The following TOX2 variants were observed in gnomAD, a reference collection of about 807,000 sequenced individuals.
TOX2 encodes TOX high mobility group box family member 2.
TOX2 carries 15 observed loss-of-function variants against 47.4 expected under a neutral mutation model. That is an observed-to-expected ratio of 0.32 (90% CI 0.21 to 0.49). The LOEUF is 0.49. Among genes scored for constraint, TOX2 ranks in the 20% least tolerant of loss-of-function variants. The probability of loss-of-function intolerance (pLI) is 0.99; values close to 1 mark genes in which losing one functional copy is unlikely to be tolerated. For synonymous variants in TOX2, 290 were observed against 296.6 expected (o/e 0.98, Z 0.23); for missense variants, 622 against 673.1 (o/e 0.92, Z 0.84).
At chr20:43,925,272 G>C (rs888836699) in intron 1 of TOX2, among the ~76,000 whole-genome samples, 1 of 152,126 alleles carries the variant, frequency 6.6e-6, no homozygotes, top group African/African-American at 2.4e-5. Context: ...ATCTAGATCT[G>C]TTCTGTGGTT....
In TOX2 at chr20:43,998,720, C is replaced by CATCTATCT. The variant is rs34142021; in HGVS notation, c.166-7784_166-7777dup. 5.8e-3 allele frequency among the ~76,000 whole-genome samples: 352 copies of CATCTATCT among 60,956 alleles called. 3 individuals carry two copies. The highest frequency in any genetic ancestry group is 0.014 in the South Asian group (25 of 1,788). 40.0% of individuals were successfully genotyped at this position (60,956 alleles called of 152,430 possible). On this transcript the variant is annotated intron_variant, in intron 2 of 8. Coordinates refer to ENST00000341197, the MANE Select transcript of TOX2 (RefSeq NM_001098797.2). ...CACTCTGCTTTTTGTTGGCCTGATA[C>CATCTATCT]ATCTATCTATCTATCTATCTATCTA...
chr20:43,973,124 G>C (rs2070006389), intron 1 of TOX2, among the ~76,000 whole-genome samples: 1 of 152,244 alleles, frequency 6.6e-6, no homozygotes. Context: ...TTTCCTATTT[G>C]CATTGTAAGT....
intron 7 of TOX2, among the ~76,000 whole-genome samples, chr20:44,066,325 ACT>A (rs2071821389): frequency 6.6e-6 from 1 of 150,394 alleles, no homozygotes; most frequent in Admixed American, 6.6e-5. Context: ...TGCCAGACTG[ACT>A]CTTAGGATAC....
At chr20:43,952,136 C>T (rs894124982) in intron 1 of TOX2, among the ~76,000 whole-genome samples, 18 of 152,160 alleles carry the variant, frequency 1.2e-4, no homozygotes, top group African/African-American at 2.9e-4. Flanking sequence ...CTCCTGACCT[C>T]GTGATCTGCC....
intron 4 of TOX2, among the ~76,000 whole-genome samples, chr20:44,052,429 C>T (rs1399819843): frequency 6.6e-6 from 1 of 152,178 alleles, no homozygotes; most frequent in African/African-American, 2.4e-5. Context: ...TATCTCCCTC[C>T]GTGCCTCCTG....
At chr20:44,013,560 T>C (rs1303220579) in intron 3 of TOX2, among the ~76,000 whole-genome samples, 1 of 152,238 alleles carries the variant, frequency 6.6e-6, no homozygotes, top group East Asian at 1.9e-4. Context: ...GGTTTGGTCT[T>C]GTCTTATGAA....
chr20:44,012,056 G>A (rs575090342), intron 3 of TOX2, among the ~76,000 whole-genome samples: 36 of 152,182 alleles, frequency 2.4e-4, no homozygotes, highest in Non-Finnish European at 4.3e-4. Flanking sequence ...TATTTTGCCG[G>A]TTTAATTTAA....
rs1555835309 is a variant in TOX2 at position 43,976,782 on chromosome 20, G to GCGCACA, written c.165+3351_165+3352insGCACAC. On this transcript the variant is annotated intron_variant, in intron 2 of 8. Coordinates refer to ENST00000341197, the MANE Select transcript of TOX2 (RefSeq NM_001098797.2). ...TTGAACTCACAACGCGAGCGCGCGC[G>GCGCACA]CACACACACACACACACACACATAC... 1.8e-3 allele frequency among the ~76,000 whole-genome samples: 264 copies of GCGCACA among 146,536 alleles called. 2 individuals carry two copies. The highest frequency in any genetic ancestry group is 5.1e-3 in the African/African-American group (197 of 38,304).
intron 1 of TOX2, among the ~76,000 whole-genome samples, chr20:43,950,484 C>T (rs1369242513): frequency 1.3e-5 from 2 of 152,058 alleles, no homozygotes; most frequent in African/African-American, 4.8e-5. Context: ...GCCTCCCCTC[C>T]CCCTCCCCAC....
intron 1 of TOX2, among the ~76,000 whole-genome samples, chr20:43,962,452 C>T (rs938676503): frequency 6.6e-6 from 1 of 152,228 alleles, no homozygotes; most frequent in Non-Finnish European, 1.5e-5. Flanking sequence ...CCCAGGATCC[C>T]ATGGCTGGGG....
In TOX2 at chr20:44,069,247, GCATTTTATATGATCCTTAGCA is replaced by G. The variant is rs570063197; in HGVS notation, c.*568_*588del. 8.3e-6 allele frequency: 2 copies of G among 240,334 alleles called. No individual in the cohort carries two copies. Among genetic ancestry groups the G allele is most frequent in the African/African-American group, 4.5e-5 (2 of 44,308 alleles). 14.9% of individuals were successfully genotyped at this position (240,334 alleles called of 1,614,324 possible). ...AAAGTAGTTTCCTTTAAGGTAAAAA[GCATTTTATATGATCCTTAGCA>G]CATTTTTAAGTTTTATCTTAAGGGA... On this transcript the variant is annotated 3_prime_UTR_variant, in exon 9 of 9. Transcript: ENST00000341197.
At chr20:43,918,191 C>G (rs560642717) in intron 1 of TOX2, among the ~76,000 whole-genome samples, 1 of 152,296 alleles carries the variant, frequency 6.6e-6, no homozygotes, top group Non-Finnish European at 1.5e-5. Flanking sequence ...TGGGGGACAG[C>G]TGGGGGATCC....
At chr20:43,989,018 T>C (rs1485907102) in intron 2 of TOX2, among the ~76,000 whole-genome samples, 3 of 152,182 alleles carry the variant, frequency 2.0e-5, no homozygotes, top group Non-Finnish European at 2.9e-5. Context: ...ACAGTTAGTC[T>C]GAGTCAAAGT....
Position 44,066,803 on chromosome 20 carries a change from G to A in TOX2, c.1430G>A (p.Ser477Asn), listed in dbSNP as rs1233068336. 6.2e-7 allele frequency: 1 copy of A among 1,614,058 alleles called. No individual in the cohort carries two copies. The highest frequency in any genetic ancestry group is 8.5e-7 in the Non-Finnish European group (1 of 1,180,032). The change falls in exon 8 of 9, where the codon AGC (serine) becomes AAC (asparagine). Residue 477 changes from serine (S) to asparagine (N), a missense_variant. This residue lies in a region of TOX2 where 294 missense variants were observed against 300.0 expected (regional missense o/e 0.98). Transcript: ENST00000341197. The part of the protein sequence containing the change: ...CSPGPSNPTS[S>N]GDWDSSYPSG... ...CCTGGCCCATCCAACCCCACCAGCAGCGGGGACTGGGACAGCAGCTACCCC... is the reference window on the plus strand; with the variant it reads ...CCTGGCCCATCCAACCCCACCAGCAACGGGGACTGGGACAGCAGCTACCCC...
intron 5 of TOX2, among the ~76,000 whole-genome samples, chr20:44,062,168 C>T (rs2071728474): frequency 6.6e-6 from 1 of 151,998 alleles, no homozygotes. Context: ...AAGAGGAAGT[C>T]AAACTGTCAC....
intron 2 of TOX2, among the ~76,000 whole-genome samples, chr20:43,986,471 G>A (rs532029926): frequency 6.6e-6 from 1 of 152,112 alleles, no homozygotes; most frequent in African/African-American, 2.4e-5. Flanking sequence ...TAGTAGAAAT[G>A]GGGTTTTTCC....
chr20:43,986,001 A>G (rs1164740106), intron 2 of TOX2, among the ~76,000 whole-genome samples: 1 of 152,192 alleles, frequency 6.6e-6, no homozygotes, highest in Admixed American at 6.5e-5. Context: ...TCTTCCTCTT[A>G]TAAGTCCCCT....
At chr20:44,059,312 C>G (rs1046700365) in intron 5 of TOX2, among the ~76,000 whole-genome samples, 1 of 152,042 alleles carries the variant, frequency 6.6e-6, no homozygotes, top group Non-Finnish European at 1.5e-5. Context: ...TAACCCAATT[C>G]AACAGAGACA....
chr20:43,993,840 T>C (rs1199295808), intron 2 of TOX2, among the ~76,000 whole-genome samples: 1 of 152,124 alleles, frequency 6.6e-6, no homozygotes, highest in East Asian at 1.9e-4. Flanking sequence ...AAAGAGGCAG[T>C]TGGATATGTA....
Sources: gnomAD v4.1 joint callset for allele counts (sites outside exome capture counted in the v4.1 genomes callset) on GRCh38, gnomAD v4.1.1 for gene constraint, gnomAD v4.1.1 regional missense constraint, MANE v1.5 for transcripts, NCBI Gene and HGNC (gene_info 2026-07-23, HGNC 2026-07-21) for gene names.